NMRK2: variants seen among roughly 807,000 people sequenced by gnomAD.
NMRK2 encodes the protein NRK 2.
Under a neutral mutation model 24.7 loss-of-function variants are expected in NMRK2, and 34 were observed. That is an observed-to-expected ratio of 1.37 (90% CI 1.05 to 1.83). The LOEUF (loss-of-function observed/expected upper bound fraction) is 1.83. NMRK2 is among the 40% of genes most tolerant of loss of function. NMRK2 has a pLI of 0.00. For synonymous variants in NMRK2, 145 were observed against 125.6 expected, an observed-to-expected ratio of 1.15 and a Z score of -1.03; for missense variants, 341 against 315.0, an observed-to-expected ratio of 1.08 and a Z score of -0.62.
chr19:3,936,846 C>T (rs558800789), intron 3 of NMRK2, among the ~76,000 whole-genome samples, 181 bp downstream of exon 3: 4 of 152,238 alleles, frequency 2.6e-5, no homozygotes, highest in South Asian at 2.1e-4. Flanking sequence ...GGACGGGTGT[C>T]GTGTTCCCAT....
At chr19:3,937,156 G>T in intron 3 of NMRK2, 84 bp from the exon 4 acceptor site, 1 of 1,391,132 alleles carries the variant, frequency 7.2e-7, no homozygotes, top group East Asian at 2.3e-5. Flanking sequence ...GCTCCAGCAA[G>T]GGACCCCCTA....
rs749419134 is a variant in NMRK2, at chr19:3,942,132, G to A, written c.552G>A (p.Leu184=). The A allele has an allele frequency of 3.1e-6, 5 of 1,613,356 alleles. No individual in the cohort carries two copies. In the Admixed American group the frequency reaches 6.7e-5, roughly 22 times the overall value. Residue 184 remains leucine, a synonymous_variant, in exon 8 of 8, where the codon CTG becomes CTA. Transcript: ENST00000168977. Reference sequence around the variant, plus strand: ...GAGAGGAGCTCTTCCGTGAAGTCCTGGAAGACATTCAGAACTCGCTGCTGA... The same window carrying A: ...GAGAGGAGCTCTTCCGTGAAGTCCTAGAAGACATTCAGAACTCGCTGCTGA... The part of the protein sequence containing the change: ...KSREELFREV[L]EDIQNSLLNR...
intron 2 of NMRK2, 109 bp from the exon 3 acceptor site, chr19:3,936,466 G>A: frequency 3.1e-6 from 2 of 651,086 alleles, no homozygotes; most frequent in Non-Finnish European, 5.1e-6. Context: ...AAGACCCTGA[G>A]ACATGGACAG....
chr19:3,942,161 G>A lies in NMRK2; in HGVS notation c.581G>A (p.Arg194His), dbSNP rs765140251. ...GACATTCAGAACTCGCTGCTGAACC[G>A]CTCCCAGGAATCAGCCCCCTCCCCG... ...LEDIQNSLLN[R>H]SQESAPSPAR... The change falls in exon 8 of 8, where the codon CGC (arginine) becomes CAC (histidine). Residue 194 changes from arginine to histidine, a missense_variant. Physicochemically the swap from Arg to His is conservative, Grantham distance 29. Coordinates refer to ENST00000168977, the MANE Select transcript of NMRK2 (RefSeq NM_170678.3). 3.7e-6 allele frequency: 6 copies of A among 1,613,248 alleles called. No homozygotes were observed. The highest frequency in any genetic ancestry group is 2.2e-5 in the East Asian group (1 of 44,864).
At chr19:3,934,773 G>A (rs2039184971) in intron 2 of NMRK2, among the ~76,000 whole-genome samples, 1 of 151,818 alleles carries the variant, frequency 6.6e-6, no homozygotes, top group Non-Finnish European at 1.5e-5. Context: ...TAGAGATGGG[G>A]GGTTTCACCA....
At chr19:3,936,863 A>T (rs2039223425) in intron 3 of NMRK2, among the ~76,000 whole-genome samples, 198 bp downstream of exon 3, 1 of 152,130 alleles carries the variant, frequency 6.6e-6, no homozygotes, top group African/African-American at 2.4e-5. Context: ...CCATTTCCTA[A>T]GCACCTATTT....
rs2039263273 is a variant in NMRK2 at position 3,938,674 on chromosome 19, G to C, written c.238G>C (p.Ala80Pro). Reference protein sequence around the residue: ...QAWLSSPQKFARAHGVSVQPE... With the variant: ...QAWLSSPQKFPRAHGVSVQPE... ...CTGGCTGAGCAGCCCGCAGAAGTTT[G>C]CCCGTGCCCACGGGGTCAGCGTCCA... The change falls in exon 5 of 8, where the codon GCC becomes CCC. Residue 80 changes from alanine (A) to proline (P), a missense_variant. Ala to Pro is a conservative substitution (Grantham distance 27). Coordinates refer to ENST00000168977, the MANE Select transcript of NMRK2 (RefSeq NM_170678.3). The C allele has an allele frequency of 1.2e-6, 2 of 1,612,624 alleles. No individual in the cohort carries two copies. The highest frequency in any genetic ancestry group is 1.7e-6 in the Non-Finnish European group (2 of 1,179,494).
chr19:3,940,586 T>G (rs2039314097), intron 6 of NMRK2, among the ~76,000 whole-genome samples: 1 of 151,178 alleles, frequency 6.6e-6, no homozygotes, highest in South Asian at 2.1e-4. Context: ...AATTGAAAAA[T>G]TAGCCAGGCA....
chr19:3,934,575 GT>G (rs1555679659), intron 2 of NMRK2, among the ~76,000 whole-genome samples: 11 of 150,440 alleles, frequency 7.3e-5, no homozygotes, highest in East Asian at 2.0e-4. Flanking sequence ...TGGGGGGGGG[GT>G]GTTGTTGTTG....
At position 3,938,783 on chromosome 19, in the gene NMRK2, C is replaced by T; in HGVS notation, c.323+24C>T. On this transcript the variant is annotated intron_variant, in intron 5 of 7. Transcript: ENST00000168977. ...AAGTAAACATCTGCAGGCTCTGGCC[C>T]CAGGCATGGCCCTCTCTGGGCGGGT... The T allele has an allele frequency of 3.3e-6, 5 of 1,509,420 alleles. No individual in the cohort carries two copies. The East Asian group carries it at 1.3e-4, about 39-fold the overall frequency. 93.5% of individuals were successfully genotyped at this position (1,509,420 alleles called of 1,614,324 possible). A position where few individuals can be genotyped will look rare whatever the true frequency, so the allele number is the denominator to read the frequency against.
chr19:3,939,828 G>C (rs977185095), intron 5 of NMRK2, 72 bp from the exon 6 acceptor site: 5 of 1,387,216 alleles, frequency 3.6e-6, no homozygotes, highest in Admixed American at 3.6e-5. Flanking sequence ...CCAAGGCTGG[G>C]GGGTTGGATA....
Position 3,933,555 on chromosome 19 carries a change from A to T in NMRK2, c.-117A>T. On this transcript the variant is annotated 5_prime_UTR_variant, in exon 2 of 8. Transcript: ENST00000168977. ...CCGGGGCGGCCTCCAGGCTGCCGAGACCTATAAAGGCGCCAGGTTTTCTCA... is the reference window on the plus strand; with the variant it reads ...CCGGGGCGGCCTCCAGGCTGCCGAGTCCTATAAAGGCGCCAGGTTTTCTCA... 1 of 1,270,226 alleles carries T rather than the reference A, an allele frequency of 7.9e-7. No individual in the cohort carries two copies. Among genetic ancestry groups the T allele is most frequent in the South Asian group, 1.4e-5 (1 of 71,642 alleles). 78.7% of individuals were successfully genotyped at this position (1,270,226 alleles called of 1,614,324 possible).
Position 3,941,728 on chromosome 19 carries a change from C to T in NMRK2, c.503-355C>T, listed in dbSNP as rs189534544. The stretch of plus-strand genomic sequence containing the variant: ...CGCGATCTTGGCTCACGGCAATCTC[C>T]GCCTCCCGGGTTCAAGCCTTTCCCC... On this transcript the variant is annotated intron_variant, in intron 7 of 7. Transcript: ENST00000168977. 5.3e-5 allele frequency among the ~76,000 whole-genome samples: 8 copies of T among 152,088 alleles called. No homozygotes were observed. In the East Asian group the frequency reaches 1.6e-3, roughly 30 times the overall value.
Position 3,939,954 on chromosome 19 carries a change from G to C in NMRK2, c.378G>C (p.Glu126Asp). ...RRYFLTVPYE[E>D]CKWRRSTRNY... ...ACTTCCTGACCGTCCCGTATGAAGA[G>C]TGCAAGTGGAGGAGAAGGTGCACTT... The change falls in exon 6 of 8, where the codon GAG (glutamate) becomes GAC (aspartate). Residue 126 changes from glutamate to aspartate, a missense_variant. Transcript: ENST00000168977. The C allele has an allele frequency of 6.2e-7, 1 of 1,612,210 alleles. No individual in the cohort carries two copies. The highest frequency in any genetic ancestry group is 8.5e-7 in the Non-Finnish European group (1 of 1,178,442).
Position 3,938,091 on chromosome 19 carries a change from C to G in NMRK2, c.167-512C>G, listed in dbSNP as rs561062505. Among the ~76,000 whole-genome samples the G allele has an allele frequency of 4.4e-5, 6 of 136,640 alleles. No homozygotes were observed. In the East Asian group the frequency reaches 9.5e-4, roughly 22 times the overall value. 89.6% of individuals were successfully genotyped at this position (136,640 alleles called of 152,430 possible). A position where few individuals can be genotyped will look rare whatever the true frequency, so the allele number is the denominator to read the frequency against. On this transcript the variant is annotated intron_variant, in intron 4 of 7. Transcript: ENST00000168977. Reference sequence around the variant, plus strand: ...CCACCCTCCTGCAATACCTGCTCCCCGTCCACTGTTCCCCTGGGGTCCGCC... The same window carrying G: ...CCACCCTCCTGCAATACCTGCTCCCGGTCCACTGTTCCCCTGGGGTCCGCC...
rs564732253 is a variant in NMRK2, at chr19:3,939,846, T to C, written c.324-54T>C. 14 of 1,518,096 alleles carry C rather than the reference T, an allele frequency of 9.2e-6. No homozygotes were observed. The East Asian group carries it at 2.5e-4, about 27-fold the overall frequency. 94.0% of individuals were successfully genotyped at this position (1,518,096 alleles called of 1,614,324 possible). A position where few individuals can be genotyped will look rare whatever the true frequency, so the allele number is the denominator to read the frequency against. ...AGGCTGGGGGGTTGGATATTTTGAC[T>C]GCGGTTGAAGGAAAGCTCACAGGTG... On this transcript the variant is annotated intron_variant, in intron 5 of 7. Transcript: ENST00000168977.
chr19:3,938,843 T>G (rs2039273048), intron 5 of NMRK2, 84 bp downstream of exon 5: 7 of 206,206 alleles, frequency 3.4e-5, no homozygotes, highest in African/African-American at 1.4e-4. Context: ...TTTTTTTTTT[T>G]GTTTTGTTTT....
chr19:3,934,112 G>A (rs1311664293), intron 2 of NMRK2, among the ~76,000 whole-genome samples: 1 of 152,128 alleles, frequency 6.6e-6, no homozygotes, highest in Non-Finnish European at 1.5e-5. Flanking sequence ...GCTGGGCACG[G>A]TGGTGCATAC....
chr19:3,938,491 A>G (rs941078327), intron 4 of NMRK2, 112 bp from the exon 5 acceptor site: 2 of 906,396 alleles, frequency 2.2e-6, no homozygotes. Context: ...CCCTCCTGCA[A>G]TGCCCGCTCC....
Sources: allele counts gnomAD v4.1 joint callset (sites outside exome capture counted in the v4.1 genomes callset), GRCh38; gene constraint gnomAD v4.1.1; transcripts MANE v1.5; gene names NCBI Gene and HGNC (gene_info 2026-07-23, HGNC 2026-07-21).